The following SLC9C1 variants were observed in gnomAD, a reference collection of about 807,000 sequenced individuals.
The protein encoded by SLC9C1 is solute carrier family 9 member C1.
In SLC9C1, 97 loss-of-function variants were observed where a neutral mutation model predicts 140.9. That is an observed-to-expected ratio of 0.69 (90% CI 0.58 to 0.82). The LOEUF is 0.82. Among genes scored for constraint, SLC9C1 ranks in the 40% least tolerant of loss-of-function variants. SLC9C1 has a pLI of 0.00. For missense variants in SLC9C1, 1,340 were observed against 1,389.3 expected, an observed-to-expected ratio of 0.96 and a Z score of 0.56; for synonymous variants, 440 against 442.6, an observed-to-expected ratio of 0.99 and a Z score of 0.07.
At chr3:112,164,684 TTCTC>T (rs1409157406) in intron 26 of SLC9C1, among the ~76,000 whole-genome samples, 4 of 151,764 alleles carry the variant, frequency 2.6e-5, no homozygotes. Flanking sequence ...AACCTGACCT[TTCTC>T]TCTGACTGTC....
At chr3:112,185,803 G>C (rs904193414) in intron 20 of SLC9C1, 5 of 1,564,640 alleles carry the variant, frequency 3.2e-6, no homozygotes, top group Admixed American at 1.8e-5. Flanking sequence ...GGCACCAGAC[G>C]CTGGTAGCGC....
intron 20 of SLC9C1, among the ~76,000 whole-genome samples, chr3:112,186,481 T>A (rs1377081736): frequency 6.6e-6 from 1 of 152,140 alleles, no homozygotes; most frequent in Non-Finnish European, 1.5e-5. Context: ...TAAGTGAAGA[T>A]ATATCATGTG....
At chr3:112,287,108 G>A (rs1474457270) in intron 1 of SLC9C1, among the ~76,000 whole-genome samples, 2 of 152,060 alleles carry the variant, frequency 1.3e-5, no homozygotes, top group Non-Finnish European at 2.9e-5. Context: ...CAAGCACTAC[G>A]CACTTGTTAC....
intron 10 of SLC9C1, among the ~76,000 whole-genome samples, chr3:112,256,153 G>A (rs984401454): frequency 1.3e-5 from 2 of 151,984 alleles, no homozygotes; most frequent in Non-Finnish European, 2.9e-5. Flanking sequence ...GATACACAAA[G>A]AAGAGTTGGT....
chr3:112,241,879 G>A (rs1258655854), intron 11 of SLC9C1, among the ~76,000 whole-genome samples: 7 of 152,116 alleles, frequency 4.6e-5, no homozygotes, highest in Admixed American at 2.6e-4. Context: ...ATGGTGCTGC[G>A]ATAACTGGCT....
chr3:112,226,514 G>T (rs2078685989), intron 13 of SLC9C1, among the ~76,000 whole-genome samples: 1 of 152,064 alleles, frequency 6.6e-6, no homozygotes, highest in South Asian at 2.1e-4. Flanking sequence ...TTGAGGTCAG[G>T]AGTTTGAGAC....
At chr3:112,253,252 A>C (rs1307511336) in intron 10 of SLC9C1, among the ~76,000 whole-genome samples, 2 of 152,154 alleles carry the variant, frequency 1.3e-5, no homozygotes, top group Non-Finnish European at 2.9e-5. Context: ...GGTCATTTCC[A>C]CTGTTGCCGC....
intron 11 of SLC9C1, among the ~76,000 whole-genome samples, chr3:112,242,282 A>G (rs565756813): frequency 5.6e-4 from 86 of 152,302 alleles, no homozygotes; most frequent in African/African-American, 1.9e-3. Flanking sequence ...GGCAAAGGTT[A>G]AGTGTCCATC....
intron 15 of SLC9C1, among the ~76,000 whole-genome samples, chr3:112,212,331 C>T (rs6438041): frequency 0.76 from 114,893 of 152,116 alleles, 43,792 homozygotes; most frequent in East Asian, 0.99. Context: ...AGCTCCTCAC[C>T]AGCAACAGAA....
intron 20 of SLC9C1, among the ~76,000 whole-genome samples, chr3:112,196,307 G>T (rs1409024228): frequency 6.6e-6 from 1 of 151,626 alleles, no homozygotes; most frequent in Non-Finnish European, 1.5e-5. Context: ...CTTCTCTCTT[G>T]TTGTCTTAAA....
rs559552867 is a variant in SLC9C1, at chr3:112,169,669, C to G, written c.2920-341G>C. Among the ~76,000 whole-genome samples, 3 of 152,168 alleles carry G rather than the reference C, an allele frequency of 2.0e-5. No homozygotes were observed. The East Asian group carries it at 5.8e-4, about 29-fold the overall frequency. On this transcript the variant is annotated intron_variant, in intron 23 of 28. Coordinates refer to ENST00000305815, the MANE Select transcript of SLC9C1 (RefSeq NM_183061.3). ...TAATTTGAAGTTAGGTGATGTGATT[C>G]CCCCAGCTTTGTTCTTTTTGCTTAG...
Position 112,141,293 on chromosome 3 carries a change from G to A in SLC9C1, c.3525-12C>T, listed in dbSNP as rs772185304. 2.3e-5 allele frequency: 37 copies of A among 1,576,728 alleles called. No individual in the cohort carries two copies. The Admixed American group carries it at 4.2e-4, about 18-fold the overall frequency. ...AGTCTTACTCTTTCCTAATAGAAGC[G>A]GAAAGAAAAAACAAAAACATAGAGG... is the stretch of plus-strand genomic sequence containing the variant. On this transcript the variant is annotated splice_polypyrimidine_tract_variant and intron_variant, in intron 28 of 28. Transcript: ENST00000305815.
At chr3:112,233,466 AT>A (rs2078890231) in intron 12 of SLC9C1, among the ~76,000 whole-genome samples, 1 of 152,060 alleles carries the variant, frequency 6.6e-6, no homozygotes, top group Non-Finnish European at 1.5e-5. Context: ...TTATTTTCAA[AT>A]TTTTGGTATT....
intron 13 of SLC9C1, among the ~76,000 whole-genome samples, chr3:112,225,458 TAAAG>T (rs1408153261): frequency 6.6e-6 from 1 of 151,172 alleles, no homozygotes; most frequent in Non-Finnish European, 1.5e-5. Context: ...ACACAAATCT[TAAAG>T]AAAAAGGAAT....
intron 28 of SLC9C1, among the ~76,000 whole-genome samples, chr3:112,143,412 T>C (rs977676292): frequency 1.1e-4 from 16 of 152,144 alleles, no homozygotes; most frequent in African/African-American, 3.4e-4. Flanking sequence ...GTTGTTTTTG[T>C]CTTTTTAGTA....
intron 18 of SLC9C1, 40 bp from the exon 19 acceptor site, chr3:112,200,802 G>T: frequency 6.5e-7 from 1 of 1,545,932 alleles, no homozygotes; most frequent in Non-Finnish European, 8.9e-7. Flanking sequence ...TGGAAAAACA[G>T]ACTGTTATAA....
intron 15 of SLC9C1, among the ~76,000 whole-genome samples, chr3:112,213,755 A>G (rs892380797): frequency 6.6e-6 from 1 of 152,144 alleles, no homozygotes; most frequent in African/African-American, 2.4e-5. Context: ...ACACAATAAT[A>G]ATGGGAGACT....
chr3:112,171,937 G>A (rs901212492), intron 23 of SLC9C1, among the ~76,000 whole-genome samples: 5 of 152,076 alleles, frequency 3.3e-5, no homozygotes, highest in Non-Finnish European at 7.4e-5. Context: ...ATTTATTTAT[G>A]GATTCTCTTT....
intron 28 of SLC9C1, among the ~76,000 whole-genome samples, chr3:112,147,304 T>C (rs550926568): frequency 6.6e-6 from 1 of 152,360 alleles, no homozygotes; most frequent in African/African-American, 2.4e-5. Flanking sequence ...TTCATATTGA[T>C]ATGTAATTTT....
Sources: gnomAD v4.1 joint callset for allele counts (sites outside exome capture counted in the v4.1 genomes callset) on GRCh38, gnomAD v4.1.1 for gene constraint, MANE v1.5 for transcripts, NCBI Gene and HGNC (gene_info 2026-07-23, HGNC 2026-07-21) for gene names.